The following SYT15B variants were observed in gnomAD, a reference collection of about 807,000 sequenced individuals.
SYT15B encodes synaptotagmin-15.
chr10:47,754,963 CTT>C, the SYT15B span, among the ~76,000 whole-genome samples: 66 of 74,958 alleles, frequency 8.8e-4, no homozygotes, highest in Non-Finnish European at 1.2e-3. Context: ...CTTTTCTTTT[CTT>C]TTTTTTTTTT....
At chr10:47,744,794 C>A in the SYT15B span, among the ~76,000 whole-genome samples, 1 of 151,876 alleles carries the variant, frequency 6.6e-6, no homozygotes, top group Non-Finnish European at 1.5e-5. Flanking sequence ...CTCCTCCCTG[C>A]CCCTGGGATA....
chr10:47,745,362 T>C, the SYT15B span, among the ~76,000 whole-genome samples: 2 of 148,740 alleles, frequency 1.3e-5, no homozygotes, highest in African/African-American at 4.9e-5. Context: ...GGAATTATAT[T>C]TCCCTGATAG....
chr10:47,760,872 G>C, the SYT15B span: 4 of 1,425,450 alleles, frequency 2.8e-6, no homozygotes, highest in Non-Finnish European at 3.8e-6. Context: ...CACTGTGCAG[G>C]GGCACCCAAT....
the SYT15B span, chr10:47,763,153 C>T: frequency 4.6e-5 from 45 of 989,004 alleles, no homozygotes; most frequent in East Asian, 1.6e-3. Flanking sequence ...GACCCCGGCT[C>T]GGGGGAGCCT....
chr10:47,746,997 G>C, the SYT15B span, among the ~76,000 whole-genome samples: 4 of 129,164 alleles, frequency 3.1e-5, no homozygotes, highest in South Asian at 9.0e-4. Context: ...AACTGGAAAG[G>C]CTGAATAAAA....
chr10:47,759,743 G>A, the SYT15B span: 1 of 1,046,352 alleles, frequency 9.6e-7, no homozygotes, highest in South Asian at 1.4e-5. Flanking sequence ...GGGGGCTGCA[G>A]GTCTCCGAGG....
chr10:47,761,921 A>AT, the SYT15B span, among the ~76,000 whole-genome samples: 3 of 133,480 alleles, frequency 2.2e-5, no homozygotes, highest in African/African-American at 8.3e-5. Context: ...TGCCCTTGGG[A>AT]TTCTGGCTTA....
chr10:47,762,078 CT>C, the SYT15B span, among the ~76,000 whole-genome samples: 1 of 127,568 alleles, frequency 7.8e-6, no homozygotes, highest in Non-Finnish European at 1.7e-5. Context: ...TACCTTCCCC[CT>C]GGTCTGCAAT....
chr10:47,748,433 A>G, the SYT15B span, among the ~76,000 whole-genome samples: 1 of 151,818 alleles, frequency 6.6e-6, no homozygotes, highest in Non-Finnish European at 1.5e-5. Context: ...GGTTGGTCTC[A>G]AACTTCTGAC....
chr10:47,755,341 C>T, the SYT15B span, among the ~76,000 whole-genome samples: 23 of 152,152 alleles, frequency 1.5e-4, no homozygotes, highest in African/African-American at 4.6e-4. Flanking sequence ...CTGCAAGCTC[C>T]GCCTCCCAGG....
chr10:47,755,101 C>T, the SYT15B span, among the ~76,000 whole-genome samples: 74 of 150,468 alleles, frequency 4.9e-4, 1 homozygote, highest in South Asian at 3.4e-3. Context: ...GGCCTACAGG[C>T]GTGCACCACC....
At chr10:47,748,179 C>CA in the SYT15B span, among the ~76,000 whole-genome samples, 2 of 151,170 alleles carry the variant, frequency 1.3e-5, no homozygotes, top group Non-Finnish European at 2.9e-5. Context: ...TAAATAAAAA[C>CA]AAAACTGCAT....
the SYT15B span, among the ~76,000 whole-genome samples, chr10:47,747,274 G>GC: frequency 6.6e-6 from 1 of 152,072 alleles, no homozygotes; most frequent in Non-Finnish European, 1.5e-5. Flanking sequence ...AACTGAAGGG[G>GC]CCAAGATATC....
the SYT15B span, among the ~76,000 whole-genome samples, chr10:47,755,086 A>G: frequency 6.8e-6 from 1 of 148,134 alleles, no homozygotes; most frequent in Non-Finnish European, 1.5e-5. Context: ...CCTCCCGAGT[A>G]GTTGGGCCTA....
the SYT15B span, chr10:47,758,093 T>TG: frequency 4.0e-4 from 359 of 901,894 alleles, 1 homozygote; most frequent in Admixed American, 8.5e-4. Context: ...GCTGGACACC[T>TG]GGGGGGGACA....
chr10:47,756,500 C>T, the SYT15B span, among the ~76,000 whole-genome samples: 4 of 141,424 alleles, frequency 2.8e-5, no homozygotes, highest in African/African-American at 5.3e-5. Context: ...AGCCTAGCAC[C>T]GCAAGCCTGT....
At chr10:47,748,680 G>C in the SYT15B span, among the ~76,000 whole-genome samples, 7 of 152,072 alleles carry the variant, frequency 4.6e-5, no homozygotes, top group Non-Finnish European at 8.8e-5. Context: ...GTAGAGGGGG[G>C]GGATCTTGCT....
chr10:47,755,348 C>T, the SYT15B span, among the ~76,000 whole-genome samples: 3 of 152,156 alleles, frequency 2.0e-5, no homozygotes, highest in African/African-American at 7.2e-5. Flanking sequence ...CTCCGCCTCC[C>T]AGGCTCATGC....
chr10:47,761,102 G>A, the SYT15B span, among the ~76,000 whole-genome samples: 249 of 145,454 alleles, frequency 1.7e-3, 1 homozygote, highest in Middle Eastern at 3.5e-3. Flanking sequence ...ACACACACAC[G>A]CACACACACA....
Sources: allele counts gnomAD v4.1 joint callset (sites outside exome capture counted in the v4.1 genomes callset), GRCh38; gene constraint gnomAD v4.1.1; transcripts MANE v1.5; gene names NCBI Gene and HGNC (gene_info 2026-07-23, HGNC 2026-07-21).